Variants in CSMD3 observed in about 807,000 individuals in gnomAD.
The protein encoded by CSMD3 is CUB and sushi domain-containing protein 3.
CSMD3 carries 177 observed loss-of-function variants against 435.2 expected under a neutral mutation model. That is an observed-to-expected ratio of 0.41 (90% CI 0.36 to 0.46). CSMD3 has a LOEUF of 0.46. CSMD3 is among the 20% of genes least tolerant of loss of function. CSMD3 has a pLI of 0.34. For missense variants in CSMD3, 4,265 were observed against 4,504.6 expected (o/e 0.95, Z 1.52); for synonymous variants, 1,656 against 1,520.5 (o/e 1.09, Z -2.07).
At chr8:112,632,027 A>G (rs2074529148) in intron 22 of CSMD3, among the ~76,000 whole-genome samples, 1 of 152,014 alleles carries the variant, frequency 6.6e-6, no homozygotes, top group Non-Finnish European at 1.5e-5. Flanking sequence ...GGCATCTGAT[A>G]GATATAATTT....
At chr8:112,634,758 T>C (rs2074609538) in intron 22 of CSMD3, among the ~76,000 whole-genome samples, 1 of 151,972 alleles carries the variant, frequency 6.6e-6, no homozygotes, top group Non-Finnish European at 1.5e-5. Flanking sequence ...ACTTTTTTTT[T>C]CAACCTATGT....
chr8:112,849,221 C>T (rs1472272762), intron 11 of CSMD3, among the ~76,000 whole-genome samples: 1 of 152,048 alleles, frequency 6.6e-6, no homozygotes, highest in Non-Finnish European at 1.5e-5. Context: ...TCTTTCATTA[C>T]TCACCTCTCA....
intron 6 of CSMD3, among the ~76,000 whole-genome samples, chr8:112,984,232 T>G (rs1379422491): frequency 6.6e-6 from 1 of 151,968 alleles, no homozygotes; most frequent in Non-Finnish European, 1.5e-5. Context: ...AATGTATTTC[T>G]TATGTGATTA....
intron 10 of CSMD3, among the ~76,000 whole-genome samples, chr8:112,886,771 T>C (rs2081610273): frequency 6.6e-6 from 1 of 151,568 alleles, no homozygotes; most frequent in Non-Finnish European, 1.5e-5. Context: ...TGTGGTAGTA[T>C]TTACATACAA....
intron 13 of CSMD3, among the ~76,000 whole-genome samples, chr8:112,722,364 A>G (rs1297980620): frequency 6.6e-6 from 1 of 152,172 alleles, no homozygotes; most frequent in Non-Finnish European, 1.5e-5. Context: ...TACAGTAGAT[A>G]ACATTGGTGA....
chr8:113,410,900 TGAAAGAAA>T (rs60929996), intron 1 of CSMD3, among the ~76,000 whole-genome samples: 10,195 of 105,312 alleles, frequency 0.097, 504 homozygotes, highest in East Asian at 0.19. Context: ...CAAAACCCTG[TGAAAGAAA>T]GAAAGAAAGA....
At chr8:112,944,918 A>T (rs2083557824) in intron 9 of CSMD3, among the ~76,000 whole-genome samples, 1 of 151,718 alleles carries the variant, frequency 6.6e-6, no homozygotes, top group African/African-American at 2.4e-5. Context: ...AATTTTTTAA[A>T]GAAAATGATG....
intron 45 of CSMD3, among the ~76,000 whole-genome samples, chr8:112,322,310 G>GT (rs753558138): frequency 1.0e-3 from 156 of 152,168 alleles, no homozygotes; most frequent in Non-Finnish European, 2.0e-3. Context: ...ATCAAAGGTT[G>GT]TAATTTTTTA....
chr8:113,321,354 T>C (rs1588511509), intron 1 of CSMD3, among the ~76,000 whole-genome samples: 1 of 152,264 alleles, frequency 6.6e-6, no homozygotes, highest in East Asian at 1.9e-4. Flanking sequence ...CTTAAATTTC[T>C]TGAAGCTGAC....
chr8:112,788,249 G>A lies in CSMD3; in HGVS notation c.1972+11913C>T, dbSNP rs542276782. Among the ~76,000 whole-genome samples, 13 of 152,216 alleles carry A rather than the reference G, an allele frequency of 8.5e-5. No individual in the cohort carries two copies. In the South Asian group the frequency reaches 2.7e-3, roughly 32 times the overall value. Reference sequence around the variant, plus strand: ...GGAGTGTTCTTTTGCCTGCATTGGAGAAATGGACATCTTTTGTCATCATAG... The same window carrying A: ...GGAGTGTTCTTTTGCCTGCATTGGAAAAATGGACATCTTTTGTCATCATAG... On this transcript the variant is annotated intron_variant, in intron 13 of 70. Transcript: ENST00000297405.
At chr8:113,037,610 G>GA (rs1311961594) in intron 5 of CSMD3, among the ~76,000 whole-genome samples, 7 of 151,812 alleles carry the variant, frequency 4.6e-5, no homozygotes, top group Non-Finnish European at 7.4e-5. Flanking sequence ...AATTTTATTT[G>GA]AAAAAATGAC....
intron 12 of CSMD3, among the ~76,000 whole-genome samples, chr8:112,825,221 G>T (rs956594156): frequency 6.6e-6 from 1 of 151,976 alleles, no homozygotes; most frequent in Non-Finnish European, 1.5e-5. Context: ...TTTTATCAAG[G>T]TTCTTATCTT....
chr8:112,532,140 G>T (rs915860745), intron 27 of CSMD3, among the ~76,000 whole-genome samples: 1 of 151,848 alleles, frequency 6.6e-6, no homozygotes, highest in African/African-American at 2.4e-5. Context: ...GCAGAAGAAA[G>T]AATTCATGAC....
chr8:112,755,971 A>G (rs146104353), intron 13 of CSMD3, among the ~76,000 whole-genome samples: 1 of 151,884 alleles, frequency 6.6e-6, no homozygotes, highest in African/African-American at 2.4e-5. Flanking sequence ...GATTGAGATT[A>G]TTTGAAGAAC....
At chr8:112,606,657 C>A (rs1292409292) in intron 22 of CSMD3, among the ~76,000 whole-genome samples, 1 of 152,114 alleles carries the variant, frequency 6.6e-6, no homozygotes, top group Admixed American at 6.5e-5. Flanking sequence ...CAAGTCCGAA[C>A]AAATTCAAGA....
Position 112,462,091 on chromosome 8 carries a change from T to A in CSMD3, c.5395+10500A>T, listed in dbSNP as rs187017023. Among the ~76,000 whole-genome samples the A allele has an allele frequency of 3.9e-5, 6 of 152,330 alleles. No homozygotes were observed. In the East Asian group the frequency reaches 1.2e-3, roughly 29 times the overall value. On this transcript the variant is annotated intron_variant, in intron 32 of 70. Coordinates refer to ENST00000297405, the MANE Select transcript of CSMD3 (RefSeq NM_198123.2). Reference sequence around the variant, plus strand: ...GCCAATTAGAGGCAAACGACTGCAATCCAGACCTTTGGATCCCCAGTTCAC... The same window carrying A: ...GCCAATTAGAGGCAAACGACTGCAAACCAGACCTTTGGATCCCCAGTTCAC...
intron 1 of CSMD3, among the ~76,000 whole-genome samples, chr8:113,408,655 G>GTT (rs143287470): frequency 1.2e-4 from 17 of 140,540 alleles, no homozygotes; most frequent in East Asian, 4.1e-4. Context: ...GTGACAAGGA[G>GTT]TTTTTTTTTT....
rs1350570802 is a variant in CSMD3 at position 113,428,275 on chromosome 8, C to T, written c.178+8402G>A. 8.6e-5 allele frequency among the ~76,000 whole-genome samples: 13 copies of T among 151,074 alleles called. 1 individual carries two copies. The East Asian group carries it at 9.7e-4, about 11-fold the overall frequency. On this transcript the variant is annotated intron_variant, in intron 1 of 70. Transcript: ENST00000297405. ...ATCTATCTATCTTTCTGTCTAATCA[C>T]GACTATTGATCTTAAGCTTTCTTCT...
intron 7 of CSMD3, among the ~76,000 whole-genome samples, chr8:112,973,998 A>ATT (rs2084755689): frequency 6.6e-6 from 1 of 151,880 alleles, no homozygotes; most frequent in Admixed American, 6.6e-5. Flanking sequence ...GGCACCACTG[A>ATT]ATGCATATTA....
Sources: allele counts gnomAD v4.1 joint callset (sites outside exome capture counted in the v4.1 genomes callset), GRCh38; gene constraint gnomAD v4.1.1; transcripts MANE v1.5; gene names NCBI Gene and HGNC (gene_info 2026-07-23, HGNC 2026-07-21).